MAGI2: variants seen among roughly 807,000 people sequenced by gnomAD.
MAGI2 encodes the protein membrane associated guanylate kinase, WW and PDZ domain containing 2.
Under a neutral mutation model 133.3 loss-of-function variants are expected in MAGI2, and 35 were observed. The ratio of observed to expected loss-of-function variants is 0.26; its 90% CI spans 0.20 to 0.35. The LOEUF (loss-of-function observed/expected upper bound fraction) is 0.35, where lower values mean the gene tolerates loss of function less well. Among genes scored for constraint, MAGI2 ranks in the 10% least tolerant of loss-of-function variants. The pLI is 1.00. For missense variants in MAGI2, 1,636 were observed against 1,863.4 expected, an observed-to-expected ratio of 0.88 and a Z score of 2.25; for synonymous variants, 729 against 710.6, an observed-to-expected ratio of 1.03 and a Z score of -0.41.
chr7:79,193,718 AG>A (rs1827852704), intron 1 of MAGI2, among the ~76,000 whole-genome samples: 1 of 151,942 alleles, frequency 6.6e-6, no homozygotes, highest in African/African-American at 2.4e-5. Context: ...TACCTTTAAT[AG>A]TACTTTCTCC....
rs1425281254 is a variant in MAGI2, at chr7:79,252,298, A to G, written c.301+200722T>C. On this transcript the variant is annotated intron_variant, in intron 1 of 21. Transcript: ENST00000354212. ...AACGTGGATAGATCTGAAGGTCATT[A>G]CATTAAGTAAAATAAGCCAGAAACA... Among the ~76,000 whole-genome samples the G allele has an allele frequency of 2.0e-5, 3 of 152,312 alleles. No homozygotes were observed. The East Asian group carries it at 5.8e-4, about 29-fold the overall frequency.
chr7:79,381,725 C>T (rs1220141266), intron 1 of MAGI2, among the ~76,000 whole-genome samples: 1 of 151,636 alleles, frequency 6.6e-6, no homozygotes, highest in Non-Finnish European at 1.5e-5. Flanking sequence ...GAAGACTAAA[C>T]AAGATAATAA....
At chr7:79,384,998 C>A (rs1286141295) in intron 1 of MAGI2, among the ~76,000 whole-genome samples, 11 of 151,722 alleles carry the variant, frequency 7.3e-5, no homozygotes, top group Middle Eastern at 3.4e-3. Flanking sequence ...TAGTAATTAG[C>A]ATGAAAAATA....
chr7:78,861,318 G>A (rs1018219978), intron 2 of MAGI2, among the ~76,000 whole-genome samples: 1 of 152,124 alleles, frequency 6.6e-6, no homozygotes, highest in Admixed American at 6.6e-5. Context: ...CTCATGCTGG[G>A]AGTTTCAGAC....
At chr7:78,599,964 G>A (rs1805014957) in intron 3 of MAGI2, among the ~76,000 whole-genome samples, 2 of 152,172 alleles carry the variant, frequency 1.3e-5, no homozygotes, top group African/African-American at 2.4e-5. Context: ...CACAGGACTT[G>A]AGGAATGAAT....
intron 19 of MAGI2, among the ~76,000 whole-genome samples, chr7:78,126,660 C>G (rs1821012693): frequency 6.6e-6 from 1 of 152,206 alleles, no homozygotes; most frequent in African/African-American, 2.4e-5. Context: ...AACAGTGACA[C>G]TGGTTGTGTA....
intron 1 of MAGI2, among the ~76,000 whole-genome samples, chr7:79,433,188 C>T (rs900459829): frequency 9.2e-5 from 14 of 152,050 alleles, no homozygotes; most frequent in African/African-American, 2.7e-4. Flanking sequence ...GGTGGGCTAG[C>T]GATGCTGTCT....
intron 2 of MAGI2, among the ~76,000 whole-genome samples, chr7:78,792,867 C>T (rs553990832): frequency 6.6e-6 from 1 of 152,344 alleles, no homozygotes; most frequent in Non-Finnish European, 1.5e-5. Context: ...GTGCTGTTTA[C>T]ATTCTTACTA....
At chr7:79,028,557 G>A (rs1029036329) in intron 1 of MAGI2, among the ~76,000 whole-genome samples, 3 of 151,694 alleles carry the variant, frequency 2.0e-5, no homozygotes, top group Non-Finnish European at 4.4e-5. Context: ...TATACAGAAC[G>A]TTACTATCTT....
chr7:79,127,058 T>G (rs1820479171), intron 1 of MAGI2, among the ~76,000 whole-genome samples: 1 of 152,008 alleles, frequency 6.6e-6, no homozygotes, highest in Non-Finnish European at 1.5e-5. Context: ...GTGTTTGGTT[T>G]TTTGTCCTTG....
chr7:78,044,194 C>A (rs1020115907), intron 21 of MAGI2, among the ~76,000 whole-genome samples: 2 of 152,148 alleles, frequency 1.3e-5, no homozygotes, highest in Non-Finnish European at 2.9e-5. Context: ...TTTTCAGAAC[C>A]GAGAGTTCCT....
chr7:79,320,425 A>AT (rs146281153), intron 1 of MAGI2, among the ~76,000 whole-genome samples: 7,218 of 152,164 alleles, frequency 0.047, 280 homozygotes, highest in African/African-American at 0.11. Flanking sequence ...TATTTCTCCA[A>AT]TTTGCCCTTC....
chr7:78,692,113 A>G (rs1019478983), intron 2 of MAGI2, among the ~76,000 whole-genome samples: 1 of 152,200 alleles, frequency 6.6e-6, no homozygotes, highest in African/African-American at 2.4e-5. Context: ...GCATTTGAAG[A>G]GCTGAAAGTT....
chr7:79,008,472 T>C (rs1807698617), intron 1 of MAGI2, among the ~76,000 whole-genome samples: 1 of 152,176 alleles, frequency 6.6e-6, no homozygotes, highest in Non-Finnish European at 1.5e-5. Context: ...AACTGCAAGA[T>C]ATCATTTTCA....
intron 1 of MAGI2, among the ~76,000 whole-genome samples, chr7:79,207,503 C>T (rs1190197021): frequency 6.8e-6 from 1 of 146,598 alleles, no homozygotes; most frequent in Non-Finnish European, 1.5e-5. Flanking sequence ...CAAATTTAAC[C>T]AAGGAGATGA....
At chr7:78,063,617 T>G (rs2151142536) in intron 21 of MAGI2, among the ~76,000 whole-genome samples, 1 of 152,276 alleles carries the variant, frequency 6.6e-6, no homozygotes, top group East Asian at 1.9e-4. Context: ...TTATAGCTGT[T>G]CTGAACACAT....
chr7:78,361,025 T>C (rs565415959), intron 7 of MAGI2, among the ~76,000 whole-genome samples: 3 of 152,256 alleles, frequency 2.0e-5, no homozygotes, highest in East Asian at 3.9e-4. Context: ...TGTACTACCC[T>C]GTGTGCTATT....
At chr7:78,085,401 C>T (rs73362670) in intron 20 of MAGI2, among the ~76,000 whole-genome samples, 30,866 of 151,626 alleles carry the variant, frequency 0.2, 3,141 homozygotes, top group South Asian at 0.24. Context: ...TGTGGTGGTG[C>T]ATGCCTAGCT....
At chr7:78,997,605 T>TAAA (rs746487330) in intron 2 of MAGI2, among the ~76,000 whole-genome samples, 2 of 119,536 alleles carry the variant, frequency 1.7e-5, no homozygotes, top group African/African-American at 3.1e-5. Flanking sequence ...CCATCTCAAT[T>TAAA]AAAAAAAAAA....
Sources: allele counts gnomAD v4.1 joint callset (sites outside exome capture counted in the v4.1 genomes callset), GRCh38; gene constraint gnomAD v4.1.1; transcripts MANE v1.5; gene names NCBI Gene and HGNC (gene_info 2026-07-23, HGNC 2026-07-21).